CADM1: variants seen among roughly 807,000 people sequenced by gnomAD.
The protein encoded by CADM1 is cell adhesion molecule 1, also known as TSLC-1.
CADM1 carries 15 observed loss-of-function variants against 53.1 expected under a neutral mutation model. The observed-to-expected ratio is 0.28, with a 90% CI of 0.19 to 0.44. CADM1 has a LOEUF of 0.44. Ranked by LOEUF, CADM1 falls within the 20% of genes least tolerant of loss-of-function variation. CADM1 has a pLI of 1.00. For synonymous variants in CADM1, 281 were observed against 243.0 expected, an observed-to-expected ratio of 1.16 and a Z score of -1.45; for missense variants, 434 against 611.3, an observed-to-expected ratio of 0.71 and a Z score of 3.06.
At chr11:115,287,794 G>A (rs953758432) in intron 1 of CADM1, among the ~76,000 whole-genome samples, 2 of 152,108 alleles carry the variant, frequency 1.3e-5, no homozygotes, top group African/African-American at 2.4e-5. Context: ...GAAATGATTC[G>A]CTCAGTATCT....
intron 1 of CADM1, among the ~76,000 whole-genome samples, chr11:115,493,785 C>T (rs1949550277): frequency 6.6e-6 from 1 of 152,076 alleles, no homozygotes; most frequent in African/African-American, 2.4e-5. Context: ...AACTACAGAA[C>T]ATTCTACAAA....
chr11:115,362,750 C>T lies in CADM1; in HGVS notation c.125-122330G>A, dbSNP rs539396254. On this transcript the variant is annotated intron_variant, in intron 1 of 11. Coordinates refer to ENST00000331581, the MANE Select transcript of CADM1 (RefSeq NM_001301043.2). ...CAAGATACTATTTAATCCTTCTTCA[C>T]AAACAAACATCAATAAAGCAATGAG... Among the ~76,000 whole-genome samples, 21 of 152,196 alleles carry T rather than the reference C, an allele frequency of 1.4e-4. 1 individual carries two copies. In the South Asian group the frequency reaches 4.4e-3, roughly 32 times the overall value.
intron 10 of CADM1, among the ~76,000 whole-genome samples, chr11:115,185,354 TTTTC>T (rs1939493659): frequency 1.3e-5 from 2 of 152,218 alleles, no homozygotes; most frequent in Admixed American, 6.5e-5. Flanking sequence ...CACCAAGTTC[TTTTC>T]ATTTATACAG....
intron 1 of CADM1, among the ~76,000 whole-genome samples, chr11:115,394,494 G>A (rs1204434675): frequency 6.6e-6 from 1 of 152,058 alleles, no homozygotes; most frequent in East Asian, 1.9e-4. Flanking sequence ...AAAATGCCGG[G>A]TTAAGTTTTA....
At chr11:115,247,217 G>A (rs575616678) in intron 1 of CADM1, among the ~76,000 whole-genome samples, 162 of 152,146 alleles carry the variant, frequency 1.1e-3, no homozygotes, top group Non-Finnish European at 1.9e-3. Flanking sequence ...TGATCTATAT[G>A]GCAAATATGT....
At chr11:115,338,223 C>T (rs1394697160) in intron 1 of CADM1, among the ~76,000 whole-genome samples, 2 of 152,138 alleles carry the variant, frequency 1.3e-5, no homozygotes, top group African/African-American at 4.8e-5. Context: ...TATGTTAACT[C>T]ATTTAATATT....
At chr11:115,411,268 CTGTT>C (rs774808428) in intron 1 of CADM1, among the ~76,000 whole-genome samples, 1 of 152,186 alleles carries the variant, frequency 6.6e-6, no homozygotes, top group Non-Finnish European at 1.5e-5. Context: ...CTGTGACAAA[CTGTT>C]TGTGTCAAGA....
intron 9 of CADM1, chr11:115,194,191 CAG>C (rs927088957): frequency 6.6e-6 from 1 of 152,200 alleles, no homozygotes; most frequent in African/African-American, 2.4e-5. Context: ...TGTGCTCATA[CAG>C]AGAGATGTAC....
chr11:115,328,295 C>A (rs1327385574), intron 1 of CADM1, among the ~76,000 whole-genome samples: 2 of 152,096 alleles, frequency 1.3e-5, no homozygotes, highest in African/African-American at 4.8e-5. Flanking sequence ...TTACTGCATG[C>A]TAATCTCAAC....
intron 1 of CADM1, among the ~76,000 whole-genome samples, chr11:115,250,175 T>C (rs1565324378): frequency 6.6e-6 from 1 of 152,320 alleles, no homozygotes; most frequent in African/African-American, 2.4e-5. Context: ...AGTGCTGGGA[T>C]TACAAGCATG....
At chr11:115,346,969 T>C (rs777415224) in intron 1 of CADM1, among the ~76,000 whole-genome samples, 4 of 152,062 alleles carry the variant, frequency 2.6e-5, no homozygotes, top group Non-Finnish European at 5.9e-5. Flanking sequence ...AAAAACCCTA[T>C]TGATTCATCC....
chr11:115,462,970 A>C (rs1948827293), intron 1 of CADM1, among the ~76,000 whole-genome samples: 1 of 152,156 alleles, frequency 6.6e-6, no homozygotes, highest in Non-Finnish European at 1.5e-5. Context: ...GGGGATGGTG[A>C]CTGGGAAGAA....
At chr11:115,237,361 T>A (rs974110117) in intron 3 of CADM1, among the ~76,000 whole-genome samples, 4 of 152,298 alleles carry the variant, frequency 2.6e-5, no homozygotes, top group Admixed American at 6.5e-5. Flanking sequence ...TAAACACATC[T>A]TTCTAAAATT....
intron 1 of CADM1, among the ~76,000 whole-genome samples, chr11:115,346,204 C>T: frequency 6.6e-6 from 1 of 152,156 alleles, no homozygotes. Context: ...GCCTTTTAAT[C>T]CCAAATTGAC....
At chr11:115,382,004 C>G (rs964636287) in intron 1 of CADM1, among the ~76,000 whole-genome samples, 7 of 152,076 alleles carry the variant, frequency 4.6e-5, no homozygotes, top group Admixed American at 4.6e-4. Context: ...GCCACCACAC[C>G]GGGCTAGTTT....
intron 1 of CADM1, among the ~76,000 whole-genome samples, chr11:115,353,126 A>G (rs10891837): frequency 0.27 from 41,234 of 152,192 alleles, 6,212 homozygotes; most frequent in East Asian, 0.47. Flanking sequence ...AAGCTTCTAC[A>G]AGATGTAGAG....
intron 1 of CADM1, among the ~76,000 whole-genome samples, chr11:115,491,773 T>C (rs1438965190): frequency 1.3e-5 from 2 of 152,072 alleles, no homozygotes; most frequent in Non-Finnish European, 2.9e-5. Context: ...CATGCATCCA[T>C]AAAAAAGGAT....
intron 1 of CADM1, among the ~76,000 whole-genome samples, chr11:115,433,196 C>A (rs1174714111): frequency 1.3e-5 from 2 of 152,180 alleles, no homozygotes; most frequent in Non-Finnish European, 2.9e-5. Context: ...GACTTTTCTT[C>A]TTCTTCTTCT....
intron 1 of CADM1, among the ~76,000 whole-genome samples, chr11:115,490,677 C>T (rs1016596226): frequency 2.6e-5 from 4 of 152,088 alleles, no homozygotes; most frequent in African/African-American, 7.2e-5. Flanking sequence ...GGATTACAGG[C>T]GAGAGCCACC....
Sources: gnomAD v4.1 joint callset for allele counts (sites outside exome capture counted in the v4.1 genomes callset) on GRCh38, gnomAD v4.1.1 for gene constraint, MANE v1.5 for transcripts, NCBI Gene and HGNC (gene_info 2026-07-23, HGNC 2026-07-21) for gene names.